Variants in LAMA2 observed in about 807,000 individuals in gnomAD.
The protein encoded by LAMA2 is laminin subunit alpha-2.
Under a neutral mutation model 364.8 loss-of-function variants are expected in LAMA2, and 269 were observed. That is an observed-to-expected ratio of 0.74 (90% CI 0.67 to 0.82). The LOEUF (loss-of-function observed/expected upper bound fraction) is 0.82. LAMA2 is among the 40% of genes least tolerant of loss of function. The probability of loss-of-function intolerance (pLI) is 0.00; values close to 1 mark genes in which losing one functional copy is unlikely to be tolerated. For missense variants in LAMA2, 3,807 were observed against 3,873.2 expected (o/e 0.98, Z 0.45); for synonymous variants, 1,379 against 1,370.6 (o/e 1.01, Z -0.14).
chr6:128,980,082 G>T (rs1198961155), intron 1 of LAMA2, among the ~76,000 whole-genome samples: 1 of 152,068 alleles, frequency 6.6e-6, no homozygotes, highest in African/African-American at 2.4e-5. Context: ...TCAGCAGGGG[G>T]CTCCAGGAAT....
chr6:129,200,467 CAT>C (rs916988857), intron 12 of LAMA2, among the ~76,000 whole-genome samples: 2 of 148,328 alleles, frequency 1.3e-5, no homozygotes, highest in East Asian at 2.0e-4. Flanking sequence ...TACATGTACA[CAT>C]ATACATGTAT....
At chr6:129,186,013 A>T (rs1781206883) in intron 10 of LAMA2, among the ~76,000 whole-genome samples, 1 of 151,710 alleles carries the variant, frequency 6.6e-6, no homozygotes, top group Admixed American at 6.6e-5. Flanking sequence ...AAATACGCAA[A>T]TTGAAAAGAA....
At chr6:129,050,746 G>A (rs747452068) in intron 2 of LAMA2, among the ~76,000 whole-genome samples, 2 of 152,206 alleles carry the variant, frequency 1.3e-5, no homozygotes, top group Non-Finnish European at 2.9e-5. Flanking sequence ...AGAACTGAAA[G>A]TGCCAAAGGG....
intron 52 of LAMA2, among the ~76,000 whole-genome samples, chr6:129,474,237 G>A (rs1562596790): frequency 6.6e-6 from 1 of 152,104 alleles, no homozygotes; most frequent in Non-Finnish European, 1.5e-5. Flanking sequence ...GCTGAAAAGT[G>A]TGATGGTCAG....
intron 1 of LAMA2, among the ~76,000 whole-genome samples, chr6:128,997,460 A>G (rs998321167): frequency 6.6e-6 from 1 of 152,106 alleles, no homozygotes; most frequent in Admixed American, 6.5e-5. Context: ...GTATTAGTCA[A>G]AGTTGAAATT....
chr6:128,956,494 A>G (rs1020643606), intron 1 of LAMA2, among the ~76,000 whole-genome samples: 2 of 152,004 alleles, frequency 1.3e-5, no homozygotes, highest in African/African-American at 4.8e-5. Flanking sequence ...GGATATTTTT[A>G]TATGTGTTGG....
At chr6:129,280,404 ACCT>A (rs749851776) in intron 18 of LAMA2, among the ~76,000 whole-genome samples, 9 of 152,196 alleles carry the variant, frequency 5.9e-5, no homozygotes, top group Non-Finnish European at 7.3e-5. Flanking sequence ...TTAAGTATTA[ACCT>A]ACAATCTTTG....
rs117116822 is a variant in LAMA2, at chr6:129,320,664, C to A, written c.4176+9C>A. The stretch of plus-strand genomic sequence containing the variant: ...CTGGCCTGTCCTGTGAGGTAAGCTA[C>A]CTCCTACTAACCTGCTTAATCTCAA... On this transcript the variant is annotated intron_variant, in intron 28 of 64. Transcript: ENST00000421865. The A allele has an allele frequency of 6.8e-7, 1 of 1,470,764 alleles. No individual in the cohort carries two copies. The highest frequency in any genetic ancestry group is 1.1e-5 in the South Asian group (1 of 88,436). The allele number at this position is 1,470,764 out of a possible 1,614,324, so 91.1% of individuals were successfully genotyped here.
At chr6:129,367,856 C>A (rs1403283685) in intron 33 of LAMA2, among the ~76,000 whole-genome samples, 1 of 152,154 alleles carries the variant, frequency 6.6e-6, no homozygotes, top group Non-Finnish European at 1.5e-5. Flanking sequence ...TTACATCTCC[C>A]CAAATTTATA....
At chr6:128,895,882 G>T (rs894475475) in intron 1 of LAMA2, among the ~76,000 whole-genome samples, 5 of 152,050 alleles carry the variant, frequency 3.3e-5, no homozygotes, top group African/African-American at 1.2e-4. Context: ...GCATTTAAAA[G>T]GTTTTGTAAT....
At chr6:129,362,389 C>T (rs370566503) in intron 32 of LAMA2, among the ~76,000 whole-genome samples, 20 of 152,164 alleles carry the variant, frequency 1.3e-4, no homozygotes, top group African/African-American at 4.1e-4. Flanking sequence ...AGTTTTCTTC[C>T]GGCCAACCCC....
chr6:129,347,858 G>A (rs1490390), intron 30 of LAMA2, among the ~76,000 whole-genome samples: 19,069 of 152,160 alleles, frequency 0.13, 1,651 homozygotes, highest in East Asian at 0.44. Flanking sequence ...GAAAAAAATT[G>A]TATCAACTAT....
chr6:128,907,424 T>A (rs1219502252), intron 1 of LAMA2, among the ~76,000 whole-genome samples: 1 of 151,932 alleles, frequency 6.6e-6, no homozygotes, highest in Non-Finnish European at 1.5e-5. Context: ...CACTCATGAT[T>A]TGGCTCTGTT....
rs201149159 is a variant in LAMA2 at position 129,391,645 on chromosome 6, T to C, written c.5226T>C (p.Asp1742=). The C allele has an allele frequency of 4.3e-6, 7 of 1,612,462 alleles. No homozygotes were observed. The Admixed American group carries it at 8.3e-5, about 19-fold the overall frequency. ...AGACACAAAAGGAAATTGCTGAAGA[T>C]GAGTTGGTGTGAGTAGATGAGTTAT... is the stretch of plus-strand genomic sequence containing the variant. ...NLETQKEIAE[D]ELVAAEALLK... The change falls in exon 36 of 65, where the codon GAT becomes GAC. Residue 1742 remains aspartate, a synonymous_variant. Transcript: ENST00000421865.
chr6:129,271,366 C>T (rs1424016217), intron 17 of LAMA2, among the ~76,000 whole-genome samples: 1 of 152,046 alleles, frequency 6.6e-6, no homozygotes, highest in African/African-American at 2.4e-5. Flanking sequence ...AATGCTATAT[C>T]CAGCTGCTTG....
chr6:129,424,568 A>G (rs1053194251), intron 40 of LAMA2, among the ~76,000 whole-genome samples: 1 of 152,042 alleles, frequency 6.6e-6, no homozygotes, highest in African/African-American at 2.4e-5. Context: ...TTTGAACAAA[A>G]GATTTAAACA....
chr6:129,369,478 C>G (rs1208022357), intron 33 of LAMA2, among the ~76,000 whole-genome samples: 1 of 152,136 alleles, frequency 6.6e-6, no homozygotes, highest in African/African-American at 2.4e-5. Context: ...ATCTGTGTCT[C>G]TGTTAATTGG....
intron 1 of LAMA2, among the ~76,000 whole-genome samples, chr6:128,946,839 T>A (rs1345094196): frequency 1.3e-5 from 2 of 152,228 alleles, no homozygotes; most frequent in East Asian, 1.9e-4. Context: ...TTCTTATTGA[T>A]GATTCTCTGC....
At chr6:128,946,123 T>A (rs1780467664) in intron 1 of LAMA2, among the ~76,000 whole-genome samples, 1 of 149,978 alleles carries the variant, frequency 6.7e-6, no homozygotes, top group Non-Finnish European at 1.5e-5. Flanking sequence ...CTGCAGCCTC[T>A]CTAGGTCGAC....
Sources: gnomAD v4.1 joint callset for allele counts (sites outside exome capture counted in the v4.1 genomes callset) on GRCh38, gnomAD v4.1.1 for gene constraint, MANE v1.5 for transcripts, NCBI Gene and HGNC (gene_info 2026-07-23, HGNC 2026-07-21) for gene names.